The following PUDP variants were observed in gnomAD, a reference collection of about 807,000 sequenced individuals.
The protein encoded by PUDP is pseudouridine-5'-phosphatase.
PUDP carries 8 observed loss-of-function variants against 9.4 expected under a neutral mutation model. The ratio of observed to expected loss-of-function variants is 0.85; its 90% confidence interval spans 0.50 to 1.53. PUDP has a LOEUF of 1.53. Ranked by LOEUF, PUDP falls within the 40% of genes most tolerant of loss-of-function variation. The pLI is 0.00. For synonymous variants in PUDP, 99 were observed against 80.7 expected, an observed-to-expected ratio of 1.23 and a Z score of -1.22; for missense variants, 188 against 189.7, an observed-to-expected ratio of 0.99 and a Z score of 0.05.
chrX:6,758,410 C>A (rs757760450), intron 3 of PUDP, among the ~76,000 whole-genome samples: 1 of 111,670 alleles, frequency 9.0e-6, no homozygotes, highest in Non-Finnish European at 1.9e-5. Context: ...CTTCAGTGAG[C>A]TGTGACGGCG....
At chrX:6,844,068 C>T (rs1926708910) in intron 3 of PUDP, among the ~76,000 whole-genome samples, 1 of 112,356 alleles carries the variant, frequency 8.9e-6, no homozygotes, top group Non-Finnish European at 1.9e-5. Flanking sequence ...AGGCTGCCTG[C>T]TTTCCTTGGC....
At chrX:6,842,572 A>G (rs769575551) in intron 3 of PUDP, among the ~76,000 whole-genome samples, 1 of 112,776 alleles carries the variant, frequency 8.9e-6, no homozygotes, top group South Asian at 3.7e-4. Flanking sequence ...ATGTATGTAT[A>G]TTGACAATTA....
Position 6,957,263 on chromosome X carries a change from C to G in PUDP, c.*247+19870G>C, listed in dbSNP as rs759193765. ...AGTTCAGGCATTGGAAAGTTAATCC[C>G]TGATGCAACAGGTTTAAGAGGAGGG... is the stretch of plus-strand genomic sequence containing the variant. On this transcript the variant is annotated intron_variant and NMD_transcript_variant, in intron 3 of 3. Coordinates refer to the PUDP transcript ENST00000655425. Among the ~76,000 whole-genome samples, 99 of 110,808 alleles carry G rather than the reference C, an allele frequency of 8.9e-4. 1 individual carries two copies. The highest frequency in any genetic ancestry group is 1.6e-3 in the Non-Finnish European group (86 of 52,995).
chrX:7,053,272 T>C (rs1338341664), intron 3 of PUDP, among the ~76,000 whole-genome samples: 1 of 111,356 alleles, frequency 9.0e-6, no homozygotes, highest in South Asian at 3.9e-4. Flanking sequence ...GACAGGTGTG[T>C]GGGACGGGAA....
chrX:6,894,558 T>C (rs1927559883), intron 3 of PUDP, among the ~76,000 whole-genome samples: 1 of 112,327 alleles, frequency 8.9e-6, no homozygotes, highest in Non-Finnish European at 1.9e-5. Context: ...AGTCCTATTT[T>C]TGTATCACAA....
At chrX:6,773,157 T>C (rs1213590767) in intron 3 of PUDP, among the ~76,000 whole-genome samples, 1 of 112,244 alleles carries the variant, frequency 8.9e-6, no homozygotes, top group Non-Finnish European at 1.9e-5. Flanking sequence ...CTCAGGAACA[T>C]GCTCCATGTT....
At chrX:6,828,508 C>T (rs147699227) in intron 3 of PUDP, among the ~76,000 whole-genome samples, 1 of 111,826 alleles carries the variant, frequency 8.9e-6, no homozygotes, top group Non-Finnish European at 1.9e-5. Context: ...TCCTCCAGCA[C>T]AGTAGTGAAT....
chrX:7,102,317 C>CAAAAAAA (rs201420593), intron 2 of PUDP, among the ~76,000 whole-genome samples: 24 of 56,603 alleles, frequency 4.2e-4, no homozygotes, highest in East Asian at 5.7e-4. Context: ...AATAAGGAAC[C>CAAAAAAA]AAAAAAAAAA....
At chrX:6,755,007 G>A (rs1925153691) in intron 3 of PUDP, among the ~76,000 whole-genome samples, 1 of 111,305 alleles carries the variant, frequency 9.0e-6, no homozygotes, top group Non-Finnish European at 1.9e-5. Flanking sequence ...CTGTGAAAAT[G>A]GCCCCAAATC....
intron 3 of PUDP, among the ~76,000 whole-genome samples, chrX:6,816,375 T>C (rs1392499432): frequency 9.6e-6 from 1 of 104,339 alleles, no homozygotes; most frequent in African/African-American, 3.4e-5. Flanking sequence ...ATATACTATA[T>C]ACTATAGATA....
intron 3 of PUDP, among the ~76,000 whole-genome samples, chrX:6,914,927 T>C (rs939641296): frequency 8.9e-6 from 1 of 112,471 alleles, no homozygotes; most frequent in Admixed American, 9.4e-5. Flanking sequence ...AGTAATGGTA[T>C]ATTCAAAAAT....
chrX:6,745,268 AGACTTCCAC>A (rs751674048), intron 3 of PUDP, among the ~76,000 whole-genome samples: 10 of 112,318 alleles, frequency 8.9e-5, no homozygotes, highest in Non-Finnish European at 1.9e-5. Flanking sequence ...CTGATTATAG[AGACTTCCAC>A]GAATAAACAA....
At chrX:7,135,040 A>G (rs187447996) in intron 1 of PUDP, among the ~76,000 whole-genome samples, 239 of 112,213 alleles carry the variant, frequency 2.1e-3, no homozygotes, top group African/African-American at 6.9e-3. Context: ...CAGGGATACA[A>G]CTGGGTCCAA....
At chrX:6,722,705 C>G (rs917990700), upstream of PUDP, among the ~76,000 whole-genome samples, 2 of 111,568 alleles carry the variant, frequency 1.8e-5, no homozygotes, top group African/African-American at 3.3e-5. Flanking sequence ...TTATTTCCTA[C>G]TCCCGCAAGA....
intron 3 of PUDP, among the ~76,000 whole-genome samples, chrX:6,973,097 T>C (rs1250583258): frequency 8.9e-6 from 1 of 112,261 alleles, no homozygotes; most frequent in Non-Finnish European, 1.9e-5. Flanking sequence ...TTCTTCTCTC[T>C]TTTCTTCTTT....
intron 3 of PUDP, among the ~76,000 whole-genome samples, chrX:6,967,907 C>G (rs1418033638): frequency 8.9e-6 from 1 of 112,269 alleles, no homozygotes; most frequent in African/African-American, 3.2e-5. Flanking sequence ...AGGGTCCCAC[C>G]TCACACCCAG....
At chrX:7,110,124 C>T (rs773738005) in intron 1 of PUDP, among the ~76,000 whole-genome samples, 4 of 111,614 alleles carry the variant, frequency 3.6e-5, no homozygotes, top group African/African-American at 9.8e-5. Flanking sequence ...CAAAGACTGG[C>T]GGGTGTTTTC....
chrX:7,038,953 G>C (rs1438499718), intron 1 of PUDP, among the ~76,000 whole-genome samples: 4 of 111,299 alleles, frequency 3.6e-5, no homozygotes, highest in Non-Finnish European at 5.7e-5. Flanking sequence ...ATTGATTGAT[G>C]GAGTATTGCT....
At chrX:7,132,780 G>T (rs1219554365) in intron 1 of PUDP, among the ~76,000 whole-genome samples, 1 of 111,366 alleles carries the variant, frequency 9.0e-6, no homozygotes, top group Non-Finnish European at 1.9e-5. Context: ...ACATCCTGGT[G>T]AAGGCTATGC....
Sources: allele counts gnomAD v4.1 joint callset (sites outside exome capture counted in the v4.1 genomes callset), GRCh38; gene constraint gnomAD v4.1.1; transcripts MANE v1.5; gene names NCBI Gene and HGNC (gene_info 2026-07-23, HGNC 2026-07-21).